Variants in ZNF577 observed in about 807,000 individuals in gnomAD.
ZNF577 encodes the protein zinc finger protein 577.
Under a neutral mutation model 13.9 loss-of-function variants are expected in ZNF577, and 14 were observed. The ratio of observed to expected loss-of-function variants is 1.00; its 90% CI spans 0.66 to 1.57. ZNF577 has a LOEUF of 1.57. Among genes scored for constraint, ZNF577 ranks in the 40% most tolerant of loss-of-function variants. ZNF577 has a pLI of 0.00. For missense variants in ZNF577, 555 were observed against 579.2 expected (o/e 0.96, Z 0.43); for synonymous variants, 203 against 202.9 (o/e 1.00, Z 0.00).
At position 51,880,395 on chromosome 19, in the gene ZNF577, A is replaced by G; in HGVS notation, c.-13T>C. The G allele has an allele frequency of 6.2e-7, 1 of 1,614,004 alleles. No homozygotes were observed. Among genetic ancestry groups the G allele is most frequent in the Non-Finnish European group, 8.5e-7 (1 of 1,179,976 alleles). On this transcript the variant is annotated 5_prime_UTR_variant, in exon 3 of 6. The change abolishes the stop of an existing upstream ORF in the 5' untranslated region. Transcript: ENST00000638348. Reference sequence around the variant, plus strand: ...TGGCATTTTTCATGTGTTTCCTGTTATTTCAGCTGCCAAAAAAAAGGAGAC... The same window carrying G: ...TGGCATTTTTCATGTGTTTCCTGTTGTTTCAGCTGCCAAAAAAAAGGAGAC...
chr19:51,810,592 G>A (rs1011394918), intron 10 of ZNF577, among the ~76,000 whole-genome samples: 9 of 152,232 alleles, frequency 5.9e-5, no homozygotes, highest in East Asian at 3.9e-4. Context: ...TAATGTCTCC[G>A]TGTCCAGCAA....
chr19:51,857,383 A>AAAGAAAGAAAGG, intron 5 of ZNF577, among the ~76,000 whole-genome samples: 1 of 116,760 alleles, frequency 8.6e-6, no homozygotes, highest in Non-Finnish European at 1.7e-5. Context: ...AGAAAGAAAG[A>AAAGAAAGAAAGG]AAGAAAGAAA....
intron 9 of ZNF577, among the ~76,000 whole-genome samples, chr19:51,820,970 T>A (rs1467815744): frequency 6.6e-6 from 1 of 152,164 alleles, no homozygotes; most frequent in East Asian, 1.9e-4. Flanking sequence ...TGAGTAATGT[T>A]CATAAGTAGT....
chr19:51,819,940 C>T (rs7247613), intron 9 of ZNF577, among the ~76,000 whole-genome samples: 56,216 of 151,590 alleles, frequency 0.37, 10,906 homozygotes, highest in South Asian at 0.52. Context: ...CTTGGGAAGA[C>T]GAGAGACAGT....
rs568771001 is a variant in ZNF577 at position 51,815,098 on chromosome 19, C to T, written c.*600-3424G>A. The stretch of plus-strand genomic sequence containing the variant: ...TTGCTGGGATTGCAGGCGCGAGCCA[C>T]CTTTTATCACATCTCATTTTATGTT... On this transcript the variant is annotated intron_variant and NMD_transcript_variant, in intron 9 of 10. Coordinates refer to the ZNF577 transcript ENST00000638827. 2.0e-5 allele frequency among the ~76,000 whole-genome samples: 3 copies of T among 152,272 alleles called. No individual in the cohort carries two copies. In the East Asian group the frequency reaches 5.8e-4, roughly 30 times the overall value.
intron 9 of ZNF577, among the ~76,000 whole-genome samples, chr19:51,827,252 C>T (rs2084236779): frequency 6.6e-6 from 1 of 152,126 alleles, no homozygotes; most frequent in Non-Finnish European, 1.5e-5. Flanking sequence ...TAGCCTACAA[C>T]CAGGAGTGAA....
At position 51,869,713 on chromosome 19, in the gene ZNF577, T is replaced by C. The variant is rs2084626948; in HGVS notation, c.*2819A>G. ...TGGACCCCTTCAATGTGGAGAAAAA[T>C]GGCCAAAGGCAGATGTGTGCCAGAA... On this transcript the variant is annotated 3_prime_UTR_variant, in exon 6 of 6. Transcript: ENST00000638348. 6.6e-6 allele frequency among the ~76,000 whole-genome samples: 1 copy of C among 152,090 alleles called. No individual in the cohort carries two copies. The highest frequency in any genetic ancestry group is 1.5e-5 in the Non-Finnish European group (1 of 68,014).
At chr19:51,853,724 C>A (rs1019078735) in intron 5 of ZNF577, among the ~76,000 whole-genome samples, 5 of 152,092 alleles carry the variant, frequency 3.3e-5, no homozygotes, top group African/African-American at 9.7e-5. Context: ...TTGAAACTTT[C>A]ATTGAAAATA....
intron 5 of ZNF577, among the ~76,000 whole-genome samples, chr19:51,845,095 T>C (rs1307938691): frequency 2.6e-5 from 4 of 152,236 alleles, no homozygotes; most frequent in Non-Finnish European, 5.9e-5. Context: ...AAGTATATAC[T>C]GTGGAATGGC....
Position 51,883,407 on chromosome 19 carries a change from G to A in ZNF577, c.-218-2530C>T, listed in dbSNP as rs886923995. 2.0e-5 allele frequency among the ~76,000 whole-genome samples: 3 copies of A among 152,208 alleles called. No individual in the cohort carries two copies. The East Asian group carries it at 5.8e-4, about 29-fold the overall frequency. ...CCCAAAGTGCTAGGATTACAGGCAT[G>A]AGCGACTGCTCCCAGCCTCATGGTA... On this transcript the variant is annotated intron_variant, in intron 1 of 5. Transcript: ENST00000638348.
In ZNF577 at chr19:51,857,417, AG is replaced by A. The variant is rs1223564784; in HGVS notation, c.284-12487del. On this transcript the variant is annotated intron_variant and NMD_transcript_variant, in intron 5 of 10. Coordinates refer to the ZNF577 transcript ENST00000638827. Reference sequence around the variant, plus strand: ...AAGAAAGAAAGAAAGAAAGAAAGAAAGAAAGAAAGAAAAGAAAAAACAAAGA... The same window carrying A: ...AAGAAAGAAAGAAAGAAAGAAAGAAAAAAGAAAGAAAAGAAAAAACAAAGA... Among the ~76,000 whole-genome samples, 82 of 115,260 alleles carry A rather than the reference AG, an allele frequency of 7.1e-4. 1 individual carries two copies. The highest frequency in any genetic ancestry group is 3.0e-3 in the African/African-American group (80 of 26,284). The allele number at this position is 115,260 out of a possible 152,430, so 75.6% of individuals were successfully genotyped here. A position where few individuals can be genotyped will look rare whatever the true frequency, so the allele number is the denominator to read the frequency against.
chr19:51,823,626 G>C (rs532792587), intron 9 of ZNF577: 2 of 795,968 alleles, frequency 2.5e-6, no homozygotes, highest in Non-Finnish European at 4.0e-6. Flanking sequence ...CATTCACAAG[G>C]CTCACTGGGG....
intron 1 of ZNF577, among the ~76,000 whole-genome samples, chr19:51,884,595 T>C (rs960671264): frequency 1.3e-5 from 2 of 151,872 alleles, no homozygotes; most frequent in Admixed American, 1.3e-4. Context: ...AAGTGAAGCC[T>C]CTCTAACAAT....
In ZNF577 at chr19:51,877,353, G is replaced by GA. The variant is rs1568448970; in HGVS notation, c.211dup (p.Ser71PhefsTer31). On this transcript the variant is annotated frameshift_variant, in exon 5 of 6. Transcript: ENST00000638348. LOFTEE classifies it high-confidence loss of function. ...TTCTCCTTGCTCCAACTTGAAGAGC[G>GA]AATCTGGCTTGGTGCCTCGATACCC... 1 of 1,614,084 alleles carries GA rather than the reference G, an allele frequency of 6.2e-7. No individual in the cohort carries two copies. Among genetic ancestry groups the GA allele is most frequent in the Non-Finnish European group, 8.5e-7 (1 of 1,179,974 alleles).
At chr19:51,860,673 C>T (rs927368061) in intron 5 of ZNF577, 1 of 191,782 alleles carries the variant, frequency 5.2e-6, no homozygotes, top group Non-Finnish European at 1.1e-5. Context: ...TTCAGAAGGA[C>T]CTATCTACCA....
In ZNF577 at chr19:51,824,871, T is replaced by G. The variant is rs1454604748; in HGVS notation, c.*600-13197A>C. On this transcript the variant is annotated intron_variant and NMD_transcript_variant, in intron 9 of 10. Transcript: ENST00000638827. The surrounding 1 kb of genome is among the most constrained non-coding windows in gnomAD (Gnocchi z 4.7). ...CCTGCGTTAAGCGGAAAAAAAAAAT[T>G]CTGACAGTGTTTTTCTTCCTCTTTC... 7.5e-7 allele frequency: 1 copy of G among 1,330,382 alleles called. No individual in the cohort carries two copies. Among genetic ancestry groups the G allele is most frequent in the East Asian group, 2.5e-5 (1 of 39,858 alleles). The allele number at this position is 1,330,382 out of a possible 1,614,324, so 82.4% of individuals were successfully genotyped here. A position where few individuals can be genotyped will look rare whatever the true frequency, so the allele number is the denominator to read the frequency against.
At chr19:51,847,067 C>T (rs191126691) in intron 5 of ZNF577, among the ~76,000 whole-genome samples, 5 of 152,204 alleles carry the variant, frequency 3.3e-5, no homozygotes, top group Non-Finnish European at 7.4e-5. Context: ...CCCAAAGTCA[C>T]ACAAAATAGG....
chr19:51,807,746 G>A (rs950536791), intron 10 of ZNF577, among the ~76,000 whole-genome samples: 2 of 152,162 alleles, frequency 1.3e-5, no homozygotes, highest in African/African-American at 2.4e-5. Flanking sequence ...TATCTATCAC[G>A]CCCATGAAGT....
intron 5 of ZNF577, among the ~76,000 whole-genome samples, chr19:51,853,173 A>C (rs2084388155): frequency 6.6e-6 from 1 of 152,140 alleles, no homozygotes; most frequent in Non-Finnish European, 1.5e-5. Flanking sequence ...CTGAGCTCAA[A>C]TGATCTGCCT....
Sources: gnomAD v4.1 joint callset for allele counts (sites outside exome capture counted in the v4.1 genomes callset) on GRCh38, gnomAD v4.1.1 for gene constraint, Gnocchi (gnomAD v3.1) non-coding constraint, MANE v1.5 for transcripts, NCBI Gene and HGNC (gene_info 2026-07-23, HGNC 2026-07-21) for gene names.